MFHAS1: variants seen among roughly 807,000 people sequenced by gnomAD.
MFHAS1 encodes multifunctional ROCO family signaling regulator 1.
In MFHAS1, 50 loss-of-function variants were observed where a neutral mutation model predicts 70.4. That is an observed-to-expected ratio of 0.71 (90% CI 0.57 to 0.90). The LOEUF is 0.90. Ranked by LOEUF, MFHAS1 falls within the 40% of genes least tolerant of loss-of-function variation. The pLI is 0.00. For missense variants in MFHAS1, 1,795 were observed against 1,347.6 expected (o/e 1.33, Z -5.20); for synonymous variants, 952 against 620.0 (o/e 1.54, Z -7.96).
Position 8,892,317 on chromosome 8 carries a change from C to T in MFHAS1, c.742G>A (p.Glu248Lys). The change falls in exon 1 of 3, where the codon GAG becomes AAG. Residue 248 changes from glutamate to lysine, a missense_variant. Transcript: ENST00000276282. This position sits in a 1 kb window ranked among gnomAD's most constrained non-coding sequence, Gnocchi z 4.7. ...ATGAGGCTCTCCAAACTGGCCAGCT[C>T]GCAGAAGCCGGCGGGCAGCGTGCCA... ...ELGTLPAGFC[E>K]LASLESLMLD... 6.2e-7 allele frequency: 1 copy of T among 1,612,442 alleles called. No homozygotes were observed. Among genetic ancestry groups the T allele is most frequent in the Non-Finnish European group, 8.5e-7 (1 of 1,180,004 alleles).
At position 8,783,449 on chromosome 8, in the gene MFHAS1, C is replaced by A. The variant is rs1036429831; in HGVS notation, c.*2573G>T. On this transcript the variant is annotated 3_prime_UTR_variant, in exon 3 of 3. Coordinates refer to ENST00000276282, the MANE Select transcript of MFHAS1 (RefSeq NM_004225.3). ...GAAACCACAATTAAAATTCACAAACCATGGCATGAAAAACAACACGCACCC... is the reference window on the plus strand; with the variant it reads ...GAAACCACAATTAAAATTCACAAACAATGGCATGAAAAACAACACGCACCC... The A allele has an allele frequency of 6.6e-6, 1 of 152,138 alleles. No individual in the cohort carries two copies. The highest frequency in any genetic ancestry group is 2.4e-5 in the African/African-American group (1 of 41,430). 9.4% of individuals were successfully genotyped at this position (152,138 alleles called of 1,614,324 possible).
Position 8,797,396 on chromosome 8 carries a change from G to A in MFHAS1, c.3094C>T (p.Pro1032Ser). 1 of 1,614,094 alleles carries A rather than the reference G, an allele frequency of 6.2e-7. No individual in the cohort carries two copies. The highest frequency in any genetic ancestry group is 8.5e-7 in the Non-Finnish European group (1 of 1,180,008). The change falls in exon 2 of 3, where the codon CCC becomes TCC. Residue 1032 changes from proline to serine, a missense_variant. Physicochemically the swap from Pro to Ser is moderately conservative, Grantham distance 74. Coordinates refer to ENST00000276282, the MANE Select transcript of MFHAS1 (RefSeq NM_004225.3). ...CAGGGGCTGATCACAGTCGGCGTGG[G>A]TGGGTAAACCAAGGCAACATTTACT... ...ERVNVALVYP[P>S]TPTVISPCSK...
chr8:8,849,256 T>C (rs1808152469), intron 1 of MFHAS1, among the ~76,000 whole-genome samples: 1 of 151,972 alleles, frequency 6.6e-6, no homozygotes, highest in Admixed American at 6.6e-5. Flanking sequence ...AATTTTTGTA[T>C]TTTTAATAGA....
rs1809944470 is a variant in MFHAS1, at chr8:8,890,367, A to G, written c.2692T>C (p.Tyr898His). 1 of 1,614,206 alleles carries G rather than the reference A, an allele frequency of 6.2e-7. No individual in the cohort carries two copies. Among genetic ancestry groups the G allele is most frequent in the Non-Finnish European group, 8.5e-7 (1 of 1,180,042 alleles). Residue 898 changes from tyrosine (Y) to histidine (H), a missense_variant, in exon 1 of 3, where the codon TAC (tyrosine) becomes CAC (histidine). Transcript: ENST00000276282. The stretch of plus-strand genomic sequence containing the variant: ...ACATGGCTGTTGATCTGGACACTGT[A>G]GCGTGCAAACAACCCAAGTGGAAAA... Reference protein sequence around the residue: ...FTFPLGLFARYSVQINSHVVH... With the variant: ...FTFPLGLFARHSVQINSHVVH...
chr8:8,861,549 T>C (rs1201480646), intron 1 of MFHAS1, among the ~76,000 whole-genome samples: 2 of 152,228 alleles, frequency 1.3e-5, no homozygotes, highest in Admixed American at 6.5e-5. Flanking sequence ...AATCGTATAA[T>C]CAAAACTTAT....
At chr8:8,848,644 G>A (rs556289555) in intron 1 of MFHAS1, among the ~76,000 whole-genome samples, 4 of 152,234 alleles carry the variant, frequency 2.6e-5, no homozygotes, top group South Asian at 2.1e-4. Flanking sequence ...ATCAGATCTC[G>A]CAAGAGGTAG....
intron 1 of MFHAS1, among the ~76,000 whole-genome samples, chr8:8,877,569 G>C (rs1276214120): frequency 6.6e-6 from 1 of 152,174 alleles, no homozygotes; most frequent in African/African-American, 2.4e-5. Flanking sequence ...GCTGATGTTA[G>C]AATGAATAAC....
At chr8:8,843,598 T>A (rs1807921717) in intron 1 of MFHAS1, among the ~76,000 whole-genome samples, 1 of 151,786 alleles carries the variant, frequency 6.6e-6, no homozygotes, top group Admixed American at 6.6e-5. Flanking sequence ...AATAAACACA[T>A]AAATAAAAAG....
chr8:8,829,603 C>G (rs1244317702), intron 1 of MFHAS1, among the ~76,000 whole-genome samples: 1 of 152,168 alleles, frequency 6.6e-6, no homozygotes, highest in Non-Finnish European at 1.5e-5. Flanking sequence ...ATCGCTTGAA[C>G]CCAGTAGGTG....
chr8:8,892,032 C>G lies in MFHAS1; in HGVS notation c.1027G>C (p.Gly343Arg), dbSNP rs748312976. 17 of 1,613,410 alleles carry G rather than the reference C, an allele frequency of 1.1e-5. No individual in the cohort carries two copies. The highest frequency in any genetic ancestry group is 6.7e-5 in the Admixed American group (4 of 60,002). ...CCCTGCAGCACGAGCTCCTCCAGGC[C>G]GGTCAGCTCCACGATGGAGTCCGGC... ...YLPDSIVELT[G>R]LEELVLQGNQ... is the part of the protein sequence containing the mutation. Residue 343 changes from glycine to arginine, a missense_variant, in exon 1 of 3, where the codon GGC (glycine) becomes CGC (arginine). Transcript: ENST00000276282. The surrounding 1 kb of genome is among the most constrained non-coding windows in gnomAD (Gnocchi z 4.7).
chr8:8,847,782 A>G (rs540724930), intron 1 of MFHAS1, among the ~76,000 whole-genome samples: 35 of 152,302 alleles, frequency 2.3e-4, no homozygotes, highest in Admixed American at 1.7e-3. Flanking sequence ...TCTATTCCCA[A>G]CCGCTTCAGA....
chr8:8,842,321 G>A (rs1408461777), intron 1 of MFHAS1, among the ~76,000 whole-genome samples: 4 of 151,994 alleles, frequency 2.6e-5, no homozygotes, highest in Admixed American at 2.6e-4. Flanking sequence ...GAGTAGCTAG[G>A]ATTACAGGCA....
intron 1 of MFHAS1, among the ~76,000 whole-genome samples, chr8:8,849,334 G>A (rs969636457): frequency 6.6e-6 from 1 of 152,092 alleles, no homozygotes; most frequent in African/African-American, 2.4e-5. Flanking sequence ...GCCTGCCTCA[G>A]CCTCCTGAAG....
intron 1 of MFHAS1, among the ~76,000 whole-genome samples, chr8:8,848,642 T>G (rs1808122601): frequency 6.6e-6 from 1 of 152,194 alleles, no homozygotes; most frequent in African/African-American, 2.4e-5. Flanking sequence ...CAATCAGATC[T>G]CGCAAGAGGT....
chr8:8,892,372 G>C lies in MFHAS1; in HGVS notation c.687C>G (p.Leu229=). Residue 229 remains leucine (L), a synonymous_variant, in exon 1 of 3, where the codon CTC becomes CTG. Transcript: ENST00000276282. This position sits in a 1 kb window ranked among gnomAD's most constrained non-coding sequence, Gnocchi z 4.7. ...CGGCCCCACTCAGCCAGAGGATCTT[G>C]AGGGCACGCAGGGCACTGATATCCT... ...LPEDISALRA[L]KILWLSGAEL... is the part of the protein sequence containing the mutation. The C allele has an allele frequency of 6.2e-7, 1 of 1,612,550 alleles. No individual in the cohort carries two copies. Among genetic ancestry groups the C allele is most frequent in the South Asian group, 1.1e-5 (1 of 91,062 alleles).
chr8:8,828,312 T>TA (rs1282108688), intron 1 of MFHAS1, among the ~76,000 whole-genome samples: 3 of 152,236 alleles, frequency 2.0e-5, no homozygotes, highest in Admixed American at 6.5e-5. Context: ...AGTTTGAACT[T>TA]ACACTTAGGT....
chr8:8,810,470 C>G (rs1806504881), intron 1 of MFHAS1, among the ~76,000 whole-genome samples: 1 of 152,216 alleles, frequency 6.6e-6, no homozygotes, highest in African/African-American at 2.4e-5. Flanking sequence ...TCTGCCACCT[C>G]CTGAGAGAGC....
chr8:8,892,374 G>A lies in MFHAS1; in HGVS notation c.685C>T (p.Leu229Phe), dbSNP rs1388160851. The change falls in exon 1 of 3, where the codon CTC becomes TTC. Residue 229 changes from leucine (L) to phenylalanine (F), a missense_variant. By Grantham distance (22) the Leu-to-Phe change is conservative. Coordinates refer to ENST00000276282, the MANE Select transcript of MFHAS1 (RefSeq NM_004225.3). The surrounding 1 kb of genome is among the most constrained non-coding windows in gnomAD (Gnocchi z 4.7). ...GCCCCACTCAGCCAGAGGATCTTGA[G>A]GGCACGCAGGGCACTGATATCCTCA... ...LPEDISALRA[L>F]KILWLSGAEL... 6.2e-7 allele frequency: 1 copy of A among 1,612,556 alleles called. No homozygotes were observed. Among genetic ancestry groups the A allele is most frequent in the Non-Finnish European group, 8.5e-7 (1 of 1,179,954 alleles).
At chr8:8,791,227 C>T (rs10105920) in intron 2 of MFHAS1, among the ~76,000 whole-genome samples, 43,688 of 149,926 alleles carry the variant, frequency 0.29, 6,914 homozygotes, top group African/African-American at 0.39. Flanking sequence ...CCCCACATAT[C>T]GGAGCACAGA....
Sources: gnomAD v4.1 joint callset for allele counts (sites outside exome capture counted in the v4.1 genomes callset) on GRCh38, gnomAD v4.1.1 for gene constraint, Gnocchi (gnomAD v3.1) non-coding constraint, MANE v1.5 for transcripts, NCBI Gene and HGNC (gene_info 2026-07-23, HGNC 2026-07-21) for gene names.